FHOD3: variants seen among roughly 807,000 people sequenced by gnomAD.
FHOD3 encodes the protein FH1/FH2 domain-containing protein 3.
In FHOD3, 90 loss-of-function variants were observed where a neutral mutation model predicts 173.0. The ratio of observed to expected loss-of-function variants is 0.52; its 90% CI spans 0.44 to 0.62. FHOD3 has a LOEUF of 0.62. FHOD3 is among the 20% of genes least tolerant of loss of function. FHOD3 has a pLI of 0.00. For synonymous variants in FHOD3, 828 were observed against 823.0 expected (o/e 1.01, Z -0.10); for missense variants, 1,945 against 2,034.7 (o/e 0.96, Z 0.85).
chr18:36,594,854 C>G lies in FHOD3; in HGVS notation c.674C>G (p.Ala225Gly), dbSNP rs2030044464. The G allele has an allele frequency of 6.2e-7, 1 of 1,613,808 alleles. No individual in the cohort carries two copies. The highest frequency in any genetic ancestry group is 1.3e-5 in the African/African-American group (1 of 74,902). Residue 225 changes from alanine to glycine, a missense_variant, in exon 7 of 29, where the codon GCA (alanine) becomes GGA (glycine). Ala to Gly is a moderately conservative substitution (Grantham distance 60). Transcript: ENST00000590592. Reference protein sequence around the residue: ...LVFVEYSESNAPLLIQAVTAV... With the variant: ...LVFVEYSESNGPLLIQAVTAV... ...TTTGTAGAGTACTCGGAGTCCAACG[C>G]ACCTCTCCTAATTCAGGCTGTCACT...
intron 14 of FHOD3, among the ~76,000 whole-genome samples, chr18:36,680,490 A>C (rs980030187): frequency 2.0e-5 from 3 of 152,232 alleles, no homozygotes; most frequent in African/African-American, 7.2e-5. Context: ...TGTCCATAAC[A>C]GATTTTATTC....
At chr18:36,743,798 A>G (rs1308839635) in intron 22 of FHOD3, among the ~76,000 whole-genome samples, 2 of 152,214 alleles carry the variant, frequency 1.3e-5, no homozygotes, top group Non-Finnish European at 2.9e-5. Context: ...TTTAGGGGTG[A>G]GCCCTGGGAC....
At chr18:36,384,647 G>A (rs1324338687) in intron 3 of FHOD3, among the ~76,000 whole-genome samples, 1 of 151,880 alleles carries the variant, frequency 6.6e-6, no homozygotes, top group Non-Finnish European at 1.5e-5. Flanking sequence ...CATATATTGA[G>A]TATTGATTTG....
rs568334485 is a variant in FHOD3, at chr18:36,552,876, A to G, written c.512-23575A>G. Among the ~76,000 whole-genome samples the G allele has an allele frequency of 4.6e-5, 7 of 152,252 alleles. No homozygotes were observed. The East Asian group carries it at 1.4e-3, about 29-fold the overall frequency. On this transcript the variant is annotated intron_variant, in intron 5 of 28. Transcript: ENST00000590592. The stretch of plus-strand genomic sequence containing the variant: ...CTATGTTGAATAGGAGTGATGAGAG[A>G]AGGCATCCCTGTCTTGTGCCAGTTT...
At chr18:36,664,777 TGAGAGAGAGAGAGA>T (rs373836211) in intron 14 of FHOD3, among the ~76,000 whole-genome samples, 1,519 of 129,620 alleles carry the variant, frequency 0.012, 21 homozygotes, top group African/African-American at 0.041. Context: ...TGTGTGTATG[TGAGAGAGAGAGAGA>T]GAGAGAGAGA....
intron 7 of FHOD3, among the ~76,000 whole-genome samples, 159 bp from the exon 8 acceptor site, chr18:36,602,515 A>G (rs753511948): frequency 2.6e-5 from 4 of 152,240 alleles, no homozygotes; most frequent in Non-Finnish European, 5.9e-5. Context: ...AATTAGAAGC[A>G]TGCTCAAATC....
intron 5 of FHOD3, among the ~76,000 whole-genome samples, chr18:36,543,897 C>T (rs147132351): frequency 2.7e-4 from 41 of 152,290 alleles, no homozygotes; most frequent in African/African-American, 8.7e-4. Flanking sequence ...GTTATTTCTG[C>T]GGTAGAAGCT....
chr18:36,724,520 G>T (rs2040955017), intron 19 of FHOD3, among the ~76,000 whole-genome samples: 1 of 152,156 alleles, frequency 6.6e-6, no homozygotes, highest in African/African-American at 2.4e-5. Flanking sequence ...AGTGCTGTCT[G>T]TTTGAAGCCT....
At position 36,760,633 on chromosome 18, in the gene FHOD3, C is replaced by T. The variant is rs867961706; in HGVS notation, c.4475C>T (p.Pro1492Leu). 4.4e-6 allele frequency: 7 copies of T among 1,587,840 alleles called. No homozygotes were observed. Among genetic ancestry groups the T allele is most frequent in the African/African-American group, 2.7e-5 (2 of 73,612 alleles). ...TCTGGCAAGTTCTCCGGCAGTTCTCCGGCGCCCCCAAGCCAGCCGCAGGGT... is the reference window on the plus strand; with the variant it reads ...TCTGGCAAGTTCTCCGGCAGTTCTCTGGCGCCCCCAAGCCAGCCGCAGGGT... The part of the protein sequence containing the change: ...VESGKFSGSS[P>L]APPSQPQGLS... The change falls in exon 27 of 29, where the codon CCG (proline) becomes CTG (leucine). Residue 1492 changes from proline to leucine, a missense_variant. Coordinates refer to ENST00000590592, the MANE Select transcript of FHOD3 (RefSeq NM_001281740.3).
intron 8 of FHOD3, among the ~76,000 whole-genome samples, chr18:36,603,396 G>C (rs548751648): frequency 6.6e-6 from 1 of 152,008 alleles, no homozygotes; most frequent in Non-Finnish European, 1.5e-5. Flanking sequence ...GGGTGCCTGC[G>C]TGTGTTCATG....
chr18:36,558,317 C>G (rs1348245331), intron 5 of FHOD3, among the ~76,000 whole-genome samples: 1 of 152,166 alleles, frequency 6.6e-6, no homozygotes, highest in African/African-American at 2.4e-5. Context: ...AGCTGGGCCA[C>G]TGGAGGGCTC....
At chr18:36,475,456 A>G (rs952644945) in intron 3 of FHOD3, among the ~76,000 whole-genome samples, 6 of 136,486 alleles carry the variant, frequency 4.4e-5, no homozygotes, top group African/African-American at 1.1e-4. Flanking sequence ...TAGTTCAAGC[A>G]GTCTGAATCT....
rs546120408 is a variant in FHOD3 at position 36,654,670 on chromosome 18, T to A, written c.1721+1254T>A. 2.0e-5 allele frequency among the ~76,000 whole-genome samples: 3 copies of A among 152,332 alleles called. No individual in the cohort carries two copies. The South Asian group carries it at 6.2e-4, about 32-fold the overall frequency. On this transcript the variant is annotated intron_variant, in intron 13 of 28. Transcript: ENST00000590592. ...TGGGGCTGATTCTCAGGTGGGCACG[T>A]AGACAGAGATGAGGCATGAGACCTT...
intron 3 of FHOD3, among the ~76,000 whole-genome samples, chr18:36,468,864 G>T (rs918440968): frequency 2.0e-5 from 3 of 152,138 alleles, no homozygotes; most frequent in Non-Finnish European, 4.4e-5. Context: ...TGCAGGCAAT[G>T]GTAATCCCAC....
intron 10 of FHOD3, among the ~76,000 whole-genome samples, chr18:36,639,271 G>T (rs2644260): frequency 0.31 from 47,727 of 151,882 alleles, 7,947 homozygotes; most frequent in South Asian, 0.43. Flanking sequence ...GGCCGGCGTG[G>T]TGGCTCACGC....
intron 3 of FHOD3, among the ~76,000 whole-genome samples, chr18:36,422,713 C>T (rs561775981): frequency 4.6e-4 from 70 of 152,080 alleles, no homozygotes; most frequent in Non-Finnish European, 8.2e-4. Flanking sequence ...GCTGAGAAAG[C>T]CTTTTTGAGA....
chr18:36,745,803 C>T (rs558886694), intron 23 of FHOD3, among the ~76,000 whole-genome samples: 53 of 149,156 alleles, frequency 3.6e-4, no homozygotes, highest in South Asian at 1.8e-3. Context: ...GCACCCTCCG[C>T]TCACTTCCTG....
At chr18:36,654,345 A>G (rs1256595072) in intron 13 of FHOD3, among the ~76,000 whole-genome samples, 3 of 152,222 alleles carry the variant, frequency 2.0e-5, no homozygotes. Context: ...ATTTTTGCTT[A>G]CTATATCTGA....
intron 3 of FHOD3, among the ~76,000 whole-genome samples, chr18:36,438,614 C>T (rs3848482): frequency 0.46 from 70,359 of 151,936 alleles, 16,872 homozygotes; most frequent in South Asian, 0.54. Context: ...AACCTGTGGG[C>T]AGTCACCCGA....
Sources: allele counts gnomAD v4.1 joint callset (sites outside exome capture counted in the v4.1 genomes callset), GRCh38; gene constraint gnomAD v4.1.1; transcripts MANE v1.5; gene names NCBI Gene and HGNC (gene_info 2026-07-23, HGNC 2026-07-21).